The following CPA6 variants were observed in gnomAD, a reference collection of about 807,000 sequenced individuals.
CPA6 encodes the protein carboxypeptidase A6, also known as carboxypeptidase B.
Under a neutral mutation model 63.3 loss-of-function variants are expected in CPA6, and 58 were observed. The ratio of observed to expected loss-of-function variants is 0.92; its 90% CI spans 0.74 to 1.14. CPA6 has a LOEUF of 1.14. CPA6 is among the 50% of genes most tolerant of loss of function. The probability of loss-of-function intolerance (pLI) is 0.00; values close to 1 mark genes in which losing one functional copy is unlikely to be tolerated. For missense variants in CPA6, 565 were observed against 526.6 expected, an observed-to-expected ratio of 1.07 and a Z score of -0.71; for synonymous variants, 185 against 179.0, an observed-to-expected ratio of 1.03 and a Z score of -0.27.
At chr8:67,718,362 A>G (rs542433268) in intron 1 of CPA6, among the ~76,000 whole-genome samples, 3 of 152,190 alleles carry the variant, frequency 2.0e-5, no homozygotes, top group Non-Finnish European at 4.4e-5. Context: ...ACTCTTCTGG[A>G]TAAGGGTCAG....
chr8:67,423,509 T>C (rs1032368960), intron 10 of CPA6, among the ~76,000 whole-genome samples: 1 of 152,238 alleles, frequency 6.6e-6, no homozygotes, highest in Non-Finnish European at 1.5e-5. Context: ...TTTGATTCTC[T>C]AGTTGGCCAT....
intron 8 of CPA6, among the ~76,000 whole-genome samples, chr8:67,475,475 T>A (rs933060520): frequency 2.0e-5 from 3 of 152,246 alleles, no homozygotes; most frequent in Admixed American, 6.5e-5. Flanking sequence ...CTCAAAAATG[T>A]TCCTGAGGGT....
At chr8:67,691,496 T>C (rs1563395119) in intron 1 of CPA6, among the ~76,000 whole-genome samples, 1 of 152,180 alleles carries the variant, frequency 6.6e-6, no homozygotes, top group Non-Finnish European at 1.5e-5. Context: ...GAGGATACAC[T>C]ACAAGACTGA....
chr8:67,722,938 C>T (rs190107068), intron 1 of CPA6, among the ~76,000 whole-genome samples: 3 of 151,786 alleles, frequency 2.0e-5, no homozygotes, highest in Admixed American at 1.3e-4. Context: ...ATTACCACTA[C>T]CACCATTTCC....
At chr8:67,559,236 G>T (rs887626288) in intron 2 of CPA6, among the ~76,000 whole-genome samples, 2 of 152,110 alleles carry the variant, frequency 1.3e-5, no homozygotes, top group African/African-American at 4.8e-5. Context: ...TTTTATATAT[G>T]TGACCTCATA....
At chr8:67,522,895 G>A (rs1280190793) in intron 2 of CPA6, among the ~76,000 whole-genome samples, 1 of 152,254 alleles carries the variant, frequency 6.6e-6, no homozygotes, top group Admixed American at 6.5e-5. Flanking sequence ...AGTGGGCCTG[G>A]CGGCCTGAGT....
At chr8:67,488,905 T>A (rs1490930504) in intron 6 of CPA6, among the ~76,000 whole-genome samples, 1 of 152,216 alleles carries the variant, frequency 6.6e-6, no homozygotes, top group African/African-American at 2.4e-5. Context: ...TGATTTTGTA[T>A]CCTGAGACTT....
At chr8:67,520,948 A>G (rs1173490477) in intron 2 of CPA6, among the ~76,000 whole-genome samples, 1 of 152,254 alleles carries the variant, frequency 6.6e-6, no homozygotes, top group Non-Finnish European at 1.5e-5. Context: ...CCATAAATTC[A>G]TATGCAGGTA....
intron 1 of CPA6, among the ~76,000 whole-genome samples, chr8:67,660,506 T>TTTC (rs1563381517): frequency 1.4e-5 from 2 of 139,078 alleles, no homozygotes; most frequent in African/African-American, 5.5e-5. Context: ...ATTTTTTTTT[T>TTTC]TTTTTTTTTT....
chr8:67,604,776 T>TTTTGTTTG (rs375360699), intron 2 of CPA6, among the ~76,000 whole-genome samples: 2 of 151,928 alleles, frequency 1.3e-5, no homozygotes, highest in African/African-American at 4.8e-5. Context: ...CAACTTTGCG[T>TTTTGTTTG]TTTGTTTGTT....
At chr8:67,712,781 T>C (rs1817289292) in intron 1 of CPA6, among the ~76,000 whole-genome samples, 1 of 151,882 alleles carries the variant, frequency 6.6e-6, no homozygotes, top group Non-Finnish European at 1.5e-5. Flanking sequence ...CTGTTCTGAG[T>C]AGTGTGAAGA....
At position 67,422,550 on chromosome 8, in the gene CPA6, A is replaced by C; in HGVS notation, c.1268T>G (p.Leu423Arg). 1.2e-6 allele frequency: 2 copies of C among 1,614,174 alleles called. No individual in the cohort carries two copies. Among genetic ancestry groups the C allele is most frequent in the Non-Finnish European group, 1.7e-6 (2 of 1,180,012 alleles). ...GTGCATTGTGATATTTTTCACAGCC[A>C]GCATAGTTTCTGTACAGGTGGGTTT... The part of the protein sequence containing the change: ...LIKPTCTETM[L>R]AVKNITMHLL... Residue 423 changes from leucine (L) to arginine (R), a missense_variant, in exon 11 of 11, where the codon CTG becomes CGG. Transcript: ENST00000297770.
intron 1 of CPA6, among the ~76,000 whole-genome samples, chr8:67,687,011 A>C (rs1363161323): frequency 6.6e-6 from 1 of 152,234 alleles, no homozygotes; most frequent in Admixed American, 6.5e-5. Flanking sequence ...GGCCAAGAGA[A>C]TCTCCCGGCC....
intron 1 of CPA6, among the ~76,000 whole-genome samples, chr8:67,675,726 C>T (rs886941708): frequency 6.6e-6 from 1 of 152,164 alleles, no homozygotes; most frequent in Non-Finnish European, 1.5e-5. Context: ...TTTTTGCAAG[C>T]CCTCAAATCG....
At chr8:67,695,543 C>G (rs1157232448) in intron 1 of CPA6, among the ~76,000 whole-genome samples, 1 of 152,212 alleles carries the variant, frequency 6.6e-6, no homozygotes, top group Non-Finnish European at 1.5e-5. Context: ...AATGCTTTAT[C>G]CACTGCCATG....
chr8:67,455,701 ATTGCCAAGACTGTTTTTTTTGTTTGTTTT>A (rs1477176531), intron 8 of CPA6, among the ~76,000 whole-genome samples: 3 of 136,264 alleles, frequency 2.2e-5, no homozygotes, highest in Non-Finnish European at 3.2e-5. Context: ...AAAGAAAATG[ATTGCCAAGACTGTTTTTTTTGTTTGTTTT>A]TTGTTTTTTA....
chr8:67,575,495 A>G (rs1332916473), intron 2 of CPA6, among the ~76,000 whole-genome samples: 1 of 152,248 alleles, frequency 6.6e-6, no homozygotes, highest in East Asian at 1.9e-4. Context: ...AGTGTCCATC[A>G]CTGATGAATG....
At chr8:67,505,280 T>C (rs1336595219) in intron 6 of CPA6, among the ~76,000 whole-genome samples, 1 of 152,208 alleles carries the variant, frequency 6.6e-6, no homozygotes, top group Non-Finnish European at 1.5e-5. Flanking sequence ...GTTCTACATG[T>C]TGGGATTTAA....
At chr8:67,600,756 A>G (rs961316499) in intron 2 of CPA6, among the ~76,000 whole-genome samples, 1 of 152,216 alleles carries the variant, frequency 6.6e-6, no homozygotes, top group Non-Finnish European at 1.5e-5. Flanking sequence ...GCTGATACCA[A>G]TTTAGATACG....
Sources: allele counts gnomAD v4.1 joint callset (sites outside exome capture counted in the v4.1 genomes callset), GRCh38; gene constraint gnomAD v4.1.1; transcripts MANE v1.5; gene names NCBI Gene and HGNC (gene_info 2026-07-23, HGNC 2026-07-21).